The following DACH1 variants were observed in gnomAD, a reference collection of about 807,000 sequenced individuals.
DACH1 encodes dachshund family transcription factor 1.
Under a neutral mutation model 54.2 loss-of-function variants are expected in DACH1, and 12 were observed. The observed-to-expected ratio is 0.22, with a 90% CI of 0.14 to 0.36. The LOEUF is 0.36. DACH1 is among the 10% of genes least tolerant of loss of function. The pLI, the probability that DACH1 is intolerant of heterozygous loss-of-function variation, is 1.00. For synonymous variants in DACH1, 386 were observed against 366.2 expected, an observed-to-expected ratio of 1.05 and a Z score of -0.62; for missense variants, 805 against 929.8, an observed-to-expected ratio of 0.87 and a Z score of 1.75.
chr13:71,716,973 T>TA (rs1883003591), intron 1 of DACH1, among the ~76,000 whole-genome samples: 1 of 152,156 alleles, frequency 6.6e-6, no homozygotes, highest in Non-Finnish European at 1.5e-5. Context: ...ACTATTTTTT[T>TA]AAAGTATACA....
chr13:71,644,313 T>G (rs1878123242), intron 2 of DACH1, among the ~76,000 whole-genome samples: 1 of 152,210 alleles, frequency 6.6e-6, no homozygotes, highest in Non-Finnish European at 1.5e-5. Context: ...ACTTTTATCT[T>G]CTTAGCTAAT....
chr13:71,459,866 C>T (rs1346765408), intron 10 of DACH1, among the ~76,000 whole-genome samples: 1 of 151,896 alleles, frequency 6.6e-6, no homozygotes, highest in Non-Finnish European at 1.5e-5. Flanking sequence ...TAAAAGTCTG[C>T]AGATTTGTAA....
chr13:71,831,017 C>T (rs1888565847), intron 1 of DACH1, among the ~76,000 whole-genome samples: 1 of 151,716 alleles, frequency 6.6e-6, no homozygotes, highest in Non-Finnish European at 1.5e-5. Flanking sequence ...TGGTAGGATG[C>T]CTGATTATGG....
In DACH1 at chr13:71,591,589, T is replaced by C. The variant is rs1430801911; in HGVS notation, c.1127-18577A>G. On this transcript the variant is annotated intron_variant, in intron 3 of 10. Transcript: ENST00000613252. ...CACCCTGTTGTGATGAAATGAGTCATGTAGCCTCTGACAAACAACTGTATA... is the reference window on the plus strand; with the variant it reads ...CACCCTGTTGTGATGAAATGAGTCACGTAGCCTCTGACAAACAACTGTATA... 2.0e-5 allele frequency among the ~76,000 whole-genome samples: 3 copies of C among 152,166 alleles called. No individual in the cohort carries two copies. In the East Asian group the frequency reaches 5.8e-4, roughly 29 times the overall value.
At chr13:71,818,307 G>A (rs768834926) in intron 1 of DACH1, among the ~76,000 whole-genome samples, 1 of 152,180 alleles carries the variant, frequency 6.6e-6, no homozygotes, top group Non-Finnish European at 1.5e-5. Context: ...CTTTCACTAG[G>A]TTGTCTGTGA....
At chr13:71,479,731 C>T (rs958333428) in intron 7 of DACH1, among the ~76,000 whole-genome samples, 1 of 152,142 alleles carries the variant, frequency 6.6e-6, no homozygotes, top group Non-Finnish European at 1.5e-5. Context: ...TGGCAGTGCT[C>T]ACCTTTCTCC....
chr13:71,820,105 GAAAAAA>G (rs59126150), intron 1 of DACH1, among the ~76,000 whole-genome samples: 1 of 54,138 alleles, frequency 1.8e-5, no homozygotes, highest in Non-Finnish European at 3.4e-5. Flanking sequence ...TGCCTCTACC[GAAAAAA>G]AAAAAAAAAA....
chr13:71,854,113 T>G (rs969956020), intron 1 of DACH1, among the ~76,000 whole-genome samples: 3 of 152,148 alleles, frequency 2.0e-5, no homozygotes, highest in Admixed American at 6.6e-5. Flanking sequence ...AATATGCCAT[T>G]TTAATTTTAT....
rs893915396 is a variant in DACH1, at chr13:71,465,398, A to G, written c.2083+9743T>C. Among the ~76,000 whole-genome samples, 7 of 152,176 alleles carry G rather than the reference A, an allele frequency of 4.6e-5. No homozygotes were observed. The East Asian group carries it at 1.4e-3, about 29-fold the overall frequency. On this transcript the variant is annotated intron_variant, in intron 10 of 10. Transcript: ENST00000613252. ...ATTTCTCAGAAAAAAAATTAATTGT[A>G]TTTATGCTCTATCTTAAAGAAGCCA...
At chr13:71,728,707 T>C (rs1406711118) in intron 1 of DACH1, among the ~76,000 whole-genome samples, 1 of 151,978 alleles carries the variant, frequency 6.6e-6, no homozygotes, top group African/African-American at 2.4e-5. Context: ...TCTTCATAAT[T>C]TTCAGAGATC....
intron 10 of DACH1, among the ~76,000 whole-genome samples, chr13:71,462,739 T>C (rs1593731469): frequency 6.6e-6 from 1 of 151,982 alleles, no homozygotes; most frequent in African/African-American, 2.4e-5. Flanking sequence ...ATTATCATCT[T>C]TGTTTTACAG....
At chr13:71,748,886 CTTTCTTTCTTTCTCTTTCTTTCTT>C (rs1403543959) in intron 1 of DACH1, among the ~76,000 whole-genome samples, 516 of 27,112 alleles carry the variant, frequency 0.019, 2 homozygotes, top group South Asian at 0.08. Context: ...TTCTTTCTTT[CTTTCTTTCTTTCTCTTTCTTTCTT>C]TCTTTCTTTC....
chr13:71,502,910 G>A (rs1426942832), intron 6 of DACH1, among the ~76,000 whole-genome samples: 1 of 152,198 alleles, frequency 6.6e-6, no homozygotes, highest in East Asian at 1.9e-4. Flanking sequence ...GCAACATGCT[G>A]TTGGAATGCT....
intron 5 of DACH1, 104 bp downstream of exon 5, chr13:71,559,716 A>G (rs1884468120): frequency 1.4e-6 from 2 of 1,438,950 alleles, no homozygotes; most frequent in Non-Finnish European, 1.9e-6. Context: ...GTTTCAGAAC[A>G]TGATCCATCT....
chr13:71,496,281 A>ATG (rs1879413350), intron 6 of DACH1, among the ~76,000 whole-genome samples: 1 of 120,696 alleles, frequency 8.3e-6, no homozygotes, highest in Non-Finnish European at 1.7e-5. Context: ...ATATATATAT[A>ATG]TATATATATA....
intron 1 of DACH1, among the ~76,000 whole-genome samples, chr13:71,853,324 GGCA>G (rs1030958107): frequency 6.6e-6 from 1 of 151,952 alleles, no homozygotes; most frequent in African/African-American, 2.4e-5. Flanking sequence ...TTTCTTTTAG[GGCA>G]CACCACTCTG....
Position 71,579,247 on chromosome 13 carries a change from T to C in DACH1, c.1127-6235A>G, listed in dbSNP as rs572329040. On this transcript the variant is annotated intron_variant, in intron 3 of 10. Coordinates refer to ENST00000613252, the MANE Select transcript of DACH1 (RefSeq NM_080759.6). ...AGTGTTCTTGGACTCATCAAAACTT[T>C]GTTAATTCTAAATTTCTTCACCTAC... Among the ~76,000 whole-genome samples the C allele has an allele frequency of 2.0e-5, 3 of 152,278 alleles. No homozygotes were observed. In the East Asian group the frequency reaches 5.8e-4, roughly 29 times the overall value.
intron 1 of DACH1, among the ~76,000 whole-genome samples, chr13:71,710,656 A>T (rs897514070): frequency 2.6e-5 from 4 of 152,184 alleles, no homozygotes; most frequent in Non-Finnish European, 5.9e-5. Context: ...AGACAAAATA[A>T]GGTTTGAGTA....
chr13:71,601,517 T>C (rs1341926564), intron 3 of DACH1, among the ~76,000 whole-genome samples: 1 of 152,168 alleles, frequency 6.6e-6, no homozygotes, highest in African/African-American at 2.4e-5. Flanking sequence ...ATGCTTCAGA[T>C]ATAGAGTGAA....
Sources: gnomAD v4.1 joint callset for allele counts (sites outside exome capture counted in the v4.1 genomes callset) on GRCh38, gnomAD v4.1.1 for gene constraint, MANE v1.5 for transcripts, NCBI Gene and HGNC (gene_info 2026-07-23, HGNC 2026-07-21) for gene names.